Variants in ITPA observed in about 807,000 individuals in gnomAD.
The protein encoded by ITPA is inosine triphosphate pyrophosphatase.
Under a neutral mutation model 29.6 loss-of-function variants are expected in ITPA, and 29 were observed. That is an observed-to-expected ratio of 0.98 (90% confidence interval 0.73 to 1.34). ITPA has a LOEUF of 1.34. ITPA is among the 40% of genes most tolerant of loss of function. The pLI, the probability that ITPA is intolerant of heterozygous loss-of-function variation, is 0.00. For synonymous variants in ITPA, 103 were observed against 99.3 expected (o/e 1.04, Z -0.22); for missense variants, 241 against 251.5 (o/e 0.96, Z 0.28).
chr20:3,216,148 G>A (rs992061154), intron 5 of ITPA, among the ~76,000 whole-genome samples: 1 of 144,286 alleles, frequency 6.9e-6, no homozygotes, highest in Non-Finnish European at 1.5e-5. Context: ...GCGCCAGCAC[G>A]CTGGCTAAGT....
At chr20:3,226,348 A>C (rs1200589887), downstream of ITPA, among the ~76,000 whole-genome samples, 1 of 152,212 alleles carries the variant, frequency 6.6e-6, no homozygotes. The surrounding 1 kb of genome is among the most constrained non-coding windows in gnomAD (Gnocchi z 4.4). Flanking sequence ...TGTTGTGCAC[A>C]GTGAGAGCGG....
At chr20:3,207,102 G>GT (rs2067076589), upstream of ITPA, among the ~76,000 whole-genome samples, 1 of 152,026 alleles carries the variant, frequency 6.6e-6, no homozygotes, top group Non-Finnish European at 1.5e-5. Flanking sequence ...TTGTTTGTTG[G>GT]TTTTTTGAGA....
intron 5 of ITPA, 38 bp downstream of exon 5, chr20:3,215,350 A>C: frequency 6.2e-7 from 1 of 1,603,646 alleles, no homozygotes; most frequent in Non-Finnish European, 8.5e-7. Flanking sequence ...ATCTGTTGGG[A>C]ATGAGAATCT....
downstream of ITPA, among the ~76,000 whole-genome samples, chr20:3,225,526 T>C (rs1255414502): frequency 1.3e-5 from 2 of 152,090 alleles, no homozygotes; most frequent in African/African-American, 4.8e-5. Flanking sequence ...TAGCCGACCA[T>C]GTGGGGGTTC....
chr20:3,211,397 C>T (rs967550160), intron 1 of ITPA, among the ~76,000 whole-genome samples: 2 of 152,068 alleles, frequency 1.3e-5, no homozygotes, highest in African/African-American at 2.4e-5. Context: ...AACCCCTGAC[C>T]TCAAGTGATC....
At chr20:3,204,606 A>T, upstream of ITPA, 2 of 1,590,278 alleles carry the variant, frequency 1.3e-6, no homozygotes, top group Non-Finnish European at 1.7e-6. Context: ...GCCGCTACCA[A>T]GTACCACACA....
chr20:3,210,538 T>A (rs951476705), intron 1 of ITPA, among the ~76,000 whole-genome samples: 29 of 152,124 alleles, frequency 1.9e-4, no homozygotes, highest in African/African-American at 6.3e-4. Flanking sequence ...TGGGGTGTAA[T>A]CACTAGGGAC....
At position 3,213,323 on chromosome 20, in the gene ITPA, G is replaced by T. The variant is rs146112146; in HGVS notation, c.129G>T (p.Pro43=). 1.7e-5 allele frequency: 28 copies of T among 1,613,868 alleles called. No homozygotes were observed. The highest frequency in any genetic ancestry group is 2.4e-5 in the Non-Finnish European group (28 of 1,179,920). Residue 43 remains proline, a synonymous_variant, in exon 3 of 8, where the codon CCG becomes CCT. Coordinates refer to ENST00000380113, the MANE Select transcript of ITPA (RefSeq NM_033453.4). ...CTLVAQKIDL[P]EYQGEPDEIS... ...TGTGTCTGTTTCCCTGATAAGTGCC[G>T]GAGTACCAGGGGGAGCCGGATGAGA...
At chr20:3,219,745 C>CAA (rs1491514097) in intron 6 of ITPA, among the ~76,000 whole-genome samples, 5 of 97,036 alleles carry the variant, frequency 5.2e-5, no homozygotes, top group Admixed American at 1.0e-4. Context: ...GACTCCGTCT[C>CAA]CAAAAAAAAA....
chr20:3,226,395 A>G (rs977550431), downstream of ITPA, among the ~76,000 whole-genome samples: 6 of 152,110 alleles, frequency 3.9e-5, no homozygotes, highest in African/African-American at 9.7e-5. The surrounding 1 kb of genome is among the most constrained non-coding windows in gnomAD (Gnocchi z 4.4). Flanking sequence ...CACACTCGCT[A>G]CCCGTCCCCA....
intron 6 of ITPA, 111 bp downstream of exon 6, chr20:3,218,743 A>G: frequency 1.3e-6 from 1 of 768,848 alleles, no homozygotes; most frequent in South Asian, 1.5e-5. Flanking sequence ...CCTTGGGGCC[A>G]GAGATATCTG....
chr20:3,224,829 C>T (rs1193313769), downstream of ITPA, among the ~76,000 whole-genome samples: 1 of 152,172 alleles, frequency 6.6e-6, no homozygotes, highest in Non-Finnish European at 1.5e-5. Context: ...GTTTCCTGTT[C>T]AGCTCCTCCA....
At position 3,216,689 on chromosome 20, in the gene ITPA, C is replaced by G. The variant is rs150609658; in HGVS notation, c.295+1377C>G. On this transcript the variant is annotated intron_variant, in intron 5 of 7. Coordinates refer to ENST00000380113, the MANE Select transcript of ITPA (RefSeq NM_033453.4). ...CTGGTCTCGAACTCCTGACCTCAGG[C>G]GATCCACCCATCGCAGCCTCCCAAA... is the stretch of plus-strand genomic sequence containing the variant. 2.0e-5 allele frequency among the ~76,000 whole-genome samples: 3 copies of G among 151,468 alleles called. No homozygotes were observed. In the South Asian group the frequency reaches 6.3e-4, roughly 32 times the overall value.
chr20:3,210,992 A>C (rs1232629751), intron 1 of ITPA, among the ~76,000 whole-genome samples: 5 of 151,014 alleles, frequency 3.3e-5, no homozygotes, highest in African/African-American at 1.2e-4. Flanking sequence ...CGGAGGTTAC[A>C]GTGAGCTGAG....
upstream of ITPA, among the ~76,000 whole-genome samples, chr20:3,206,313 G>A (rs139202645): frequency 0.025 from 3,627 of 147,570 alleles, 151 homozygotes; most frequent in African/African-American, 0.085. Context: ...TCTCGAAGCC[G>A]GGAGGCAGAG....
At chr20:3,224,464 C>T (rs1245108016), downstream of ITPA, among the ~76,000 whole-genome samples, 2 of 152,232 alleles carry the variant, frequency 1.3e-5, no homozygotes, top group Non-Finnish European at 2.9e-5. Context: ...TCTGTGCCCA[C>T]AGGCAGCTCT....
Position 3,218,498 on chromosome 20 carries a change from C to A in ITPA, c.296-19C>A. 2 of 1,563,440 alleles carry A rather than the reference C, an allele frequency of 1.3e-6. No homozygotes were observed. Among genetic ancestry groups the A allele is most frequent in the Non-Finnish European group, 1.8e-6 (2 of 1,134,014 alleles). ...GTTGGCCATTAGGGATGCACTGAGC[C>A]CTCACTGCCCACCCGCAGGTCTCCA... is the stretch of plus-strand genomic sequence containing the variant. On this transcript the variant is annotated intron_variant, in intron 5 of 7. Transcript: ENST00000380113.
chr20:3,209,701 G>A lies in ITPA; in HGVS notation c.66+84G>A. The A allele has an allele frequency of 4.4e-6, 5 of 1,125,302 alleles. No homozygotes were observed. The East Asian group carries it at 9.5e-5, about 21-fold the overall frequency. The allele number at this position is 1,125,302 out of a possible 1,614,324, so 69.7% of individuals were successfully genotyped here. On this transcript the variant is annotated intron_variant, in intron 1 of 7. Coordinates refer to ENST00000380113, the MANE Select transcript of ITPA (RefSeq NM_033453.4). The surrounding 1 kb of genome is among the most constrained non-coding windows in gnomAD (Gnocchi z 4.6). ...GCTTCCGGGAGGAGGGAAGCACGTG[G>A]GAGGAGGCATGGAGAGAGAACAGAA...
downstream of ITPA, chr20:3,227,321 C>G (rs1468826242): frequency 1.3e-5 from 3 of 228,158 alleles, no homozygotes; most frequent in Non-Finnish European, 2.7e-5. Context: ...AGGTGGCACT[C>G]CACAAACTCT....
Sources: gnomAD v4.1 joint callset for allele counts (sites outside exome capture counted in the v4.1 genomes callset) on GRCh38, gnomAD v4.1.1 for gene constraint, Gnocchi (gnomAD v3.1) non-coding constraint, MANE v1.5 for transcripts, NCBI Gene and HGNC (gene_info 2026-07-23, HGNC 2026-07-21) for gene names.